Variants in DPH6 observed in about 807,000 individuals in gnomAD.
The protein encoded by DPH6 is diphthamine biosynthesis 6, also known as diphthine--ammonia ligase.
Under a neutral mutation model 38.2 loss-of-function variants are expected in DPH6, and 33 were observed. That is an observed-to-expected ratio of 0.86 (90% CI 0.65 to 1.15). The LOEUF is 1.15. DPH6 is among the 50% of genes most tolerant of loss of function. The probability of loss-of-function intolerance (pLI) is 0.00; values close to 1 mark genes in which losing one functional copy is unlikely to be tolerated. For synonymous variants in DPH6, 108 were observed against 103.0 expected (o/e 1.05, Z -0.30); for missense variants, 325 against 320.0 (o/e 1.02, Z -0.12).
intron 3 of DPH6, among the ~76,000 whole-genome samples, chr15:35,510,184 G>A (rs2054749443): frequency 6.6e-6 from 1 of 152,134 alleles, no homozygotes; most frequent in South Asian, 2.1e-4. Flanking sequence ...CCACACTCCA[G>A]CCTAGGTAAC....
chr15:35,192,070 T>C, the DPH6 span, among the ~76,000 whole-genome samples: 442 of 152,344 alleles, frequency 2.9e-3, 2 homozygotes, highest in African/African-American at 0.01. Context: ...AGTAACACGA[T>C]GGTTGTGATC....
intron 3 of DPH6, among the ~76,000 whole-genome samples, chr15:35,364,243 A>G (rs1191441090): frequency 1.3e-5 from 2 of 152,016 alleles, no homozygotes; most frequent in African/African-American, 2.4e-5. Context: ...GGAAAAGCCT[A>G]AAGGATTTTA....
intron 3 of DPH6, among the ~76,000 whole-genome samples, chr15:35,506,093 T>C (rs768139253): frequency 1.3e-5 from 2 of 152,252 alleles, no homozygotes; most frequent in Middle Eastern, 3.4e-3. Context: ...AAAAAACTTA[T>C]CATGTAAAGT....
chr15:35,410,254 G>A (rs193109200), intron 6 of DPH6, among the ~76,000 whole-genome samples: 2 of 151,806 alleles, frequency 1.3e-5, no homozygotes, highest in Admixed American at 6.6e-5. Context: ...ATGATGCATT[G>A]CCAGACTAAA....
rs191359048 is a variant in DPH6 at position 35,373,457 on chromosome 15, T to G, written c.750+64A>C. 3 of 1,412,804 alleles carry G rather than the reference T, an allele frequency of 2.1e-6. No homozygotes were observed. The African/African-American group carries it at 4.4e-5, about 21-fold the overall frequency. The allele number at this position is 1,412,804 out of a possible 1,614,324, so 87.5% of individuals were successfully genotyped here. On this transcript the variant is annotated intron_variant, in intron 8 of 8. Transcript: ENST00000256538. ...TCATCTGTTGTTACAGAATTATATA[T>G]GCAAAGCCAATGTATATATCTCAAA...
chr15:35,275,747 A>G (rs1282226949), intron 3 of DPH6, among the ~76,000 whole-genome samples: 1 of 152,084 alleles, frequency 6.6e-6, no homozygotes, highest in Non-Finnish European at 1.5e-5. Context: ...TTAGTCTTCA[A>G]TCTCATCCAG....
chr15:35,192,999 G>C, the DPH6 span, among the ~76,000 whole-genome samples: 3 of 152,172 alleles, frequency 2.0e-5, no homozygotes, highest in African/African-American at 7.2e-5. Flanking sequence ...TTGTAACTCA[G>C]AATGATATGT....
At chr15:35,327,942 A>T (rs2140856105), downstream of DPH6, among the ~76,000 whole-genome samples, 1 of 152,242 alleles carries the variant, frequency 6.6e-6, no homozygotes, top group African/African-American at 2.4e-5. Context: ...TTAACTCCTG[A>T]TCAAATACAT....
chr15:35,534,168 G>A (rs111660908), intron 3 of DPH6, among the ~76,000 whole-genome samples: 15,057 of 151,896 alleles, frequency 0.099, 918 homozygotes, highest in Non-Finnish European at 0.14. Context: ...ACCTGAGGTC[G>A]GGAGTTTGAG....
intron 6 of DPH6, among the ~76,000 whole-genome samples, chr15:35,389,798 T>C (rs1248380923): frequency 1.3e-5 from 2 of 152,196 alleles, no homozygotes; most frequent in Non-Finnish European, 2.9e-5. Context: ...TTTATCCAAT[T>C]TGCCAGTCTG....
intron 5 of DPH6, among the ~76,000 whole-genome samples, chr15:35,417,575 CTATT>C (rs1282964157): frequency 1.3e-5 from 2 of 152,034 alleles, no homozygotes; most frequent in Non-Finnish European, 2.9e-5. Flanking sequence ...CACAACATCT[CTATT>C]TACTTTACCA....
chr15:35,533,855 T>C (rs947824237), intron 3 of DPH6, among the ~76,000 whole-genome samples: 1 of 152,022 alleles, frequency 6.6e-6, no homozygotes, highest in African/African-American at 2.4e-5. Flanking sequence ...ATCTACTGTT[T>C]GCATGGAAGA....
chr15:35,207,873 A>T, the DPH6 span, among the ~76,000 whole-genome samples: 1,012 of 152,318 alleles, frequency 6.6e-3, 8 homozygotes, highest in Non-Finnish European at 9.1e-3. Flanking sequence ...ACTAACCGGA[A>T]TTCTCAAATT....
chr15:35,383,581 T>C (rs2052901218), intron 6 of DPH6, among the ~76,000 whole-genome samples: 1 of 152,232 alleles, frequency 6.6e-6, no homozygotes, highest in Non-Finnish European at 1.5e-5. Context: ...CCTCTATAAA[T>C]GAATAGGCAC....
intron 3 of DPH6, among the ~76,000 whole-genome samples, chr15:35,493,102 C>T (rs2054505600): frequency 6.6e-6 from 1 of 152,154 alleles, no homozygotes; most frequent in Non-Finnish European, 1.5e-5. Context: ...CATGCTAATC[C>T]ACCAACATTC....
At chr15:35,149,797 A>C in the DPH6 span, among the ~76,000 whole-genome samples, 1 of 152,224 alleles carries the variant, frequency 6.6e-6, no homozygotes, top group South Asian at 2.1e-4. Flanking sequence ...CATTGTGCTA[A>C]AGAACAAGCC....
At chr15:35,513,226 T>C (rs950355183) in intron 3 of DPH6, among the ~76,000 whole-genome samples, 3 of 152,120 alleles carry the variant, frequency 2.0e-5, no homozygotes, top group Non-Finnish European at 2.9e-5. Flanking sequence ...AACATCTTCA[T>C]ATTTTTATAC....
chr15:35,470,379 T>A (rs1468162421), intron 3 of DPH6, among the ~76,000 whole-genome samples: 2 of 151,536 alleles, frequency 1.3e-5, no homozygotes, highest in South Asian at 2.1e-4. Flanking sequence ...AATGGGGATT[T>A]AAAAAAAATA....
At chr15:35,302,057 G>C (rs190264643) in intron 3 of DPH6, among the ~76,000 whole-genome samples, 38 of 151,860 alleles carry the variant, frequency 2.5e-4, no homozygotes, top group African/African-American at 8.0e-4. Context: ...ACATATATAG[G>C]TTTGGTAAAA....
Sources: allele counts gnomAD v4.1 joint callset (sites outside exome capture counted in the v4.1 genomes callset), GRCh38; gene constraint gnomAD v4.1.1; transcripts MANE v1.5; gene names NCBI Gene and HGNC (gene_info 2026-07-23, HGNC 2026-07-21).